The following UACA variants were observed in gnomAD, a reference collection of about 807,000 sequenced individuals.
UACA encodes the protein uveal autoantigen with coiled-coil domains and ankyrin repeats, also known as nuclear membrane binding protein.
In UACA, 112 loss-of-function variants were observed where a neutral mutation model predicts 160.5. That is an observed-to-expected ratio of 0.70 (90% CI 0.60 to 0.82). The LOEUF is 0.82. UACA is among the 40% of genes least tolerant of loss of function. The pLI, the probability that UACA is intolerant of heterozygous loss-of-function variation, is 0.00. For missense variants in UACA, 1,574 were observed against 1,614.6 expected (o/e 0.97, Z 0.43); for synonymous variants, 557 against 568.4 (o/e 0.98, Z 0.29).
chr15:70,656,997 G>T lies in UACA; in HGVS notation c.*59C>A. The T allele has an allele frequency of 7.2e-7, 1 of 1,396,166 alleles. No individual in the cohort carries two copies. The highest frequency in any genetic ancestry group is 1.0e-6 in the Non-Finnish European group (1 of 983,164). 86.5% of individuals were successfully genotyped at this position (1,396,166 alleles called of 1,614,324 possible). On this transcript the variant is annotated 3_prime_UTR_variant, in exon 19 of 19. Transcript: ENST00000322954. ...TAAGGCCCAGAAAGACCATGGAGTT[G>T]CACAAAGAATGTTCAGCACCAGCAA...
chr15:70,660,113 A>G, intron 18 of UACA, 38 bp downstream of exon 18: 2 of 1,532,892 alleles, frequency 1.3e-6, no homozygotes, highest in South Asian at 2.4e-5. Flanking sequence ...TATTATCTCT[A>G]AAGCAATATT....
chr15:70,687,721 G>A (rs1897779656), intron 6 of UACA, 29 bp downstream of exon 6: 3 of 1,612,984 alleles, frequency 1.9e-6, no homozygotes, highest in East Asian at 4.5e-5. Flanking sequence ...TGCATGAGTT[G>A]AAATGAGAAT....
intron 1 of UACA, among the ~76,000 whole-genome samples, chr15:70,719,467 C>T (rs1197164221): frequency 1.3e-5 from 2 of 152,200 alleles, no homozygotes; most frequent in African/African-American, 4.8e-5. Context: ...GCTCAAGATA[C>T]CTGTACTGAA....
intron 10 of UACA, among the ~76,000 whole-genome samples, chr15:70,679,206 C>A (rs933200620): frequency 2.6e-5 from 4 of 151,824 alleles, no homozygotes; most frequent in African/African-American, 7.3e-5. Context: ...AGTTCAAGAC[C>A]AGCCTGGCCA....
At chr15:70,750,172 T>C (rs577783166) in intron 1 of UACA, among the ~76,000 whole-genome samples, 1 of 152,298 alleles carries the variant, frequency 6.6e-6, no homozygotes, top group South Asian at 2.1e-4. Context: ...TTCTTGCCTA[T>C]AATATTTCAG....
chr15:70,771,560 T>C, the UACA span, among the ~76,000 whole-genome samples: 1 of 152,190 alleles, frequency 6.6e-6, no homozygotes, highest in Non-Finnish European at 1.5e-5. Context: ...TGTGAGATGA[T>C]ACTGAGGAAT....
rs1897776567 is a variant in UACA at position 70,687,658 on chromosome 15, G to A, written c.496-12C>T. 1.2e-6 allele frequency: 2 copies of A among 1,613,596 alleles called. No individual in the cohort carries two copies. The highest frequency in any genetic ancestry group is 1.7e-4 in the Middle Eastern group (1 of 6,054). ...GGTGTCCGCCCGTCCTAAGCAACAG[G>A]AAAAATAAAACAGCATTAAGACAAC... is the stretch of plus-strand genomic sequence containing the variant. On this transcript the variant is annotated splice_polypyrimidine_tract_variant and intron_variant, in intron 6 of 18. Coordinates refer to ENST00000322954, the MANE Select transcript of UACA (RefSeq NM_018003.4).
intron 10 of UACA, among the ~76,000 whole-genome samples, 169 bp downstream of exon 10, chr15:70,679,439 T>TAAATAAATAAAG (rs1349977259): frequency 6.7e-6 from 1 of 148,700 alleles, no homozygotes; most frequent in Non-Finnish European, 1.5e-5. Context: ...AATAAATAAA[T>TAAATAAATAAAG]AGAAGAGATT....
rs561587860 is a variant in UACA, at chr15:70,671,433, T to C, written c.1169-342A>G. 30 of 170,478 alleles carry C rather than the reference T, an allele frequency of 1.8e-4. No homozygotes were observed. The South Asian group carries it at 5.3e-3, about 30-fold the overall frequency. The allele number at this position is 170,478 out of a possible 1,614,324, so 10.6% of individuals were successfully genotyped here. On this transcript the variant is annotated intron_variant, in intron 14 of 18. Coordinates refer to ENST00000322954, the MANE Select transcript of UACA (RefSeq NM_018003.4). ...ATCTTATAATCAATCAAAACAAAAATGATGATTTAAATTTATAGCATAAAT... is the reference window on the plus strand; with the variant it reads ...ATCTTATAATCAATCAAAACAAAAACGATGATTTAAATTTATAGCATAAAT...
At chr15:70,748,077 A>G (rs1384390847) in intron 1 of UACA, among the ~76,000 whole-genome samples, 3 of 152,172 alleles carry the variant, frequency 2.0e-5, no homozygotes, top group African/African-American at 7.2e-5. Flanking sequence ...GTATACACCT[A>G]CACCAAGCTA....
intron 1 of UACA, among the ~76,000 whole-genome samples, chr15:70,724,870 C>T (rs1337592590): frequency 1.3e-5 from 2 of 151,594 alleles, no homozygotes; most frequent in Non-Finnish European, 2.9e-5. Context: ...AATACTCTTG[C>T]CCAGAAGTTT....
chr15:70,685,327 C>G (rs926960634), intron 7 of UACA, among the ~76,000 whole-genome samples: 2 of 152,068 alleles, frequency 1.3e-5, no homozygotes, highest in African/African-American at 4.8e-5. Flanking sequence ...TGGGGCTAAC[C>G]AACACGTAAT....
intron 1 of UACA, among the ~76,000 whole-genome samples, chr15:70,722,121 CA>C (rs553278165): frequency 9.9e-4 from 150 of 152,256 alleles, no homozygotes; most frequent in Non-Finnish European, 1.8e-3. Context: ...ATAATGCATT[CA>C]AATGATGGGT....
At chr15:70,693,334 C>T (rs1229745092) in intron 3 of UACA, among the ~76,000 whole-genome samples, 2 of 152,088 alleles carry the variant, frequency 1.3e-5, no homozygotes, top group Admixed American at 6.6e-5. Context: ...CAGGTGCATA[C>T]CTGGTAAGAC....
At chr15:70,681,540 A>G (rs1897506521) in intron 9 of UACA, 1 of 152,196 alleles carries the variant, frequency 6.6e-6, no homozygotes, top group Non-Finnish European at 1.5e-5. Context: ...TCCCATATTA[A>G]TATTCAATAA....
intron 16 of UACA, among the ~76,000 whole-genome samples, chr15:70,665,109 C>T (rs1413764348): frequency 3.9e-5 from 6 of 152,028 alleles, no homozygotes; most frequent in East Asian, 1.9e-4. Context: ...TAAGCATCTA[C>T]GAAGGCACAT....
At chr15:70,695,187 AACAC>A in intron 2 of UACA, 82 bp from the exon 3 acceptor site, 1 of 869,080 alleles carries the variant, frequency 1.2e-6, no homozygotes, top group East Asian at 2.7e-5. Context: ...ACCCTTTTTC[AACAC>A]ACACACACGC....
In UACA at chr15:70,669,201, A is replaced by G. The variant is rs1308811624; in HGVS notation, c.1483T>C (p.Leu495=). The G allele has an allele frequency of 6.2e-7, 1 of 1,613,974 alleles. No homozygotes were observed. The highest frequency in any genetic ancestry group is 8.5e-7 in the Non-Finnish European group (1 of 1,179,982). ...TGCACATCTTTTAATGCATCTTCTA[A>G]TTGCTTTATCTGTTCATCTGAATCC... ...KEDSDEQIKQ[L]EDALKDVQKR... is the part of the protein sequence containing the mutation. The change falls in exon 16 of 19, where the codon TTA becomes CTA. Residue 495 remains leucine (L), a synonymous_variant. Transcript: ENST00000322954.
At chr15:70,763,742 G>T (rs966520274), upstream of UACA, 2 of 278,784 alleles carry the variant, frequency 7.2e-6, no homozygotes, top group East Asian at 1.4e-4. Flanking sequence ...GGCGGAGGAG[G>T]TGGGCGGCCA....
Sources: gnomAD v4.1 joint callset for allele counts (sites outside exome capture counted in the v4.1 genomes callset) on GRCh38, gnomAD v4.1.1 for gene constraint, MANE v1.5 for transcripts, NCBI Gene and HGNC (gene_info 2026-07-23, HGNC 2026-07-21) for gene names.